The following DHX57 variants were observed in gnomAD, a reference collection of about 807,000 sequenced individuals.
The protein encoded by DHX57 is putative ATP-dependent RNA helicase DHX57.
Under a neutral mutation model 156.2 loss-of-function variants are expected in DHX57, and 105 were observed. That is an observed-to-expected ratio of 0.67 (90% CI 0.57 to 0.79). The LOEUF is 0.79. DHX57 is among the 30% of genes least tolerant of loss of function. The pLI is 0.00. For synonymous variants in DHX57, 704 were observed against 595.6 expected (o/e 1.18, Z -2.65); for missense variants, 1,847 against 1,661.9 (o/e 1.11, Z -1.94).
At chr2:38,817,253 T>C (rs1670592531) in intron 19 of DHX57, among the ~76,000 whole-genome samples, 1 of 152,132 alleles carries the variant, frequency 6.6e-6, no homozygotes, top group South Asian at 2.1e-4. Flanking sequence ...GAGTAAAACA[T>C]GCTTTGCAAA....
intron 19 of DHX57, among the ~76,000 whole-genome samples, chr2:38,816,436 G>C (rs781161462): frequency 5.3e-5 from 8 of 151,914 alleles, no homozygotes; most frequent in South Asian, 2.1e-4. Context: ...GGCTGCTCTC[G>C]AACTCCTGAT....
At chr2:38,832,754 T>C (rs996565305) in intron 13 of DHX57, among the ~76,000 whole-genome samples, 5 of 151,776 alleles carry the variant, frequency 3.3e-5, no homozygotes, top group African/African-American at 1.2e-4. Flanking sequence ...GCTAGGCTGG[T>C]CTCGAACTCC....
intron 13 of DHX57, among the ~76,000 whole-genome samples, chr2:38,835,255 A>C (rs762522441): frequency 2.0e-5 from 3 of 152,222 alleles, no homozygotes; most frequent in Non-Finnish European, 4.4e-5. Context: ...AGAAGTGAGT[A>C]CCAGGATTTA....
chr2:38,825,821 G>C (rs747589057), intron 16 of DHX57, 26 bp downstream of exon 16: 37 of 1,611,224 alleles, frequency 2.3e-5, no homozygotes, highest in Non-Finnish European at 2.7e-5. Flanking sequence ...CCTTTTGGAA[G>C]CAAAACACAA....
chr2:38,821,133 A>C (rs1045504175), intron 17 of DHX57, among the ~76,000 whole-genome samples: 1 of 152,182 alleles, frequency 6.6e-6, no homozygotes, highest in Non-Finnish European at 1.5e-5. Context: ...TCAAAGGGTC[A>C]CAGGAGAATA....
Position 38,802,746 on chromosome 2 carries a change from C to A in DHX57, c.3986G>T (p.Gly1329Val). ...RGEFVVSLDDGWIRFVAASHQ... is the reference protein window; with the variant it reads ...RGEFVVSLDDVWIRFVAASHQ... ...GGAAGCAGCTACAAAACGGATCCAA[C>A]CATCATCCAGGGAGACAACGAACTC... is the stretch of plus-strand genomic sequence containing the variant. The change falls in exon 23 of 24, where the codon GGT (glycine) becomes GTT (valine). Residue 1329 changes from glycine to valine, a missense_variant. By Grantham distance (109) the Gly-to-Val change is moderately radical. Coordinates refer to ENST00000457308, the MANE Select transcript of DHX57 (RefSeq NM_198963.3). 2 of 1,614,132 alleles carry A rather than the reference C, an allele frequency of 1.2e-6. No homozygotes were observed. The highest frequency in any genetic ancestry group is 1.7e-6 in the Non-Finnish European group (2 of 1,180,024).
At chr2:38,862,383 C>T (rs1308811951) in intron 3 of DHX57, 50 bp from the exon 4 acceptor site, 1 of 1,408,230 alleles carries the variant, frequency 7.1e-7, no homozygotes, top group South Asian at 1.9e-5. Context: ...CTACTTACTT[C>T]AAAGAAAAAT....
At chr2:38,801,680 C>T (rs757814818) in intron 23 of DHX57, among the ~76,000 whole-genome samples, 30 of 151,002 alleles carry the variant, frequency 2.0e-4, no homozygotes, top group Non-Finnish European at 3.0e-4. Context: ...CTGCAACCTC[C>T]GCCTCCTGGG....
chr2:38,798,630 GC>G (rs1261816175), intron 23 of DHX57, among the ~76,000 whole-genome samples, 188 bp from the exon 24 acceptor site: 1 of 152,150 alleles, frequency 6.6e-6, no homozygotes, highest in Non-Finnish European at 1.5e-5. Context: ...GTAAAAAAGT[GC>G]CTCTATCACA....
intron 19 of DHX57, among the ~76,000 whole-genome samples, chr2:38,816,396 G>A (rs1008689942): frequency 6.6e-6 from 1 of 151,712 alleles, no homozygotes; most frequent in African/African-American, 2.4e-5. Context: ...TGTATTTTTA[G>A]TAGAGACGGA....
chr2:38,864,361 T>C (rs1664939751), intron 2 of DHX57, among the ~76,000 whole-genome samples: 1 of 151,180 alleles, frequency 6.6e-6, no homozygotes, highest in South Asian at 2.1e-4. Flanking sequence ...GCCTGGGCAA[T>C]ATAGCAAGAT....
At chr2:38,835,732 C>T (rs990862470) in intron 13 of DHX57, among the ~76,000 whole-genome samples, 2 of 152,044 alleles carry the variant, frequency 1.3e-5, no homozygotes, top group Non-Finnish European at 2.9e-5. Flanking sequence ...TTGAAGATGC[C>T]ACGGTTGTTA....
intron 7 of DHX57, among the ~76,000 whole-genome samples, chr2:38,855,542 C>T (rs886392070): frequency 6.6e-5 from 10 of 152,086 alleles, no homozygotes; most frequent in Non-Finnish European, 1.3e-4. Context: ...AACGTAAACT[C>T]TACACATGAA....
At chr2:38,814,890 T>C (rs767105983) in intron 20 of DHX57, among the ~76,000 whole-genome samples, 5 of 151,612 alleles carry the variant, frequency 3.3e-5, no homozygotes, top group Non-Finnish European at 5.9e-5. Flanking sequence ...GCCTGGATAA[T>C]TGTGTATTTT....
intron 21 of DHX57, chr2:38,810,872 C>G: frequency 1.3e-6 from 1 of 748,220 alleles, no homozygotes; most frequent in Non-Finnish European, 2.4e-6. Flanking sequence ...CGGTTCTCCA[C>G]GATGTCAATA....
At chr2:38,808,708 T>A (rs1377994016) in intron 21 of DHX57, among the ~76,000 whole-genome samples, 2 of 152,116 alleles carry the variant, frequency 1.3e-5, no homozygotes, top group African/African-American at 2.4e-5. Flanking sequence ...AGAGTAAGAG[T>A]ACTCATTTTG....
chr2:38,803,946 G>A (rs541051572), intron 22 of DHX57, among the ~76,000 whole-genome samples: 4 of 151,644 alleles, frequency 2.6e-5, no homozygotes, highest in East Asian at 3.9e-4. Flanking sequence ...CACACCTGGC[G>A]AATTTTTGTA....
intron 19 of DHX57, 144 bp from the exon 20 acceptor site, chr2:38,815,799 A>G (rs1670518930): frequency 1.0e-6 from 1 of 1,000,082 alleles, no homozygotes; most frequent in Admixed American, 2.7e-5. Flanking sequence ...TATGAAGAGG[A>G]TCTTGTCTGG....
rs1430465147 is a variant in DHX57, at chr2:38,813,807, A to C, written c.3681+14T>G. 19 of 1,613,294 alleles carry C rather than the reference A, an allele frequency of 1.2e-5. No individual in the cohort carries two copies. The highest frequency in any genetic ancestry group is 1.6e-5 in the Non-Finnish European group (19 of 1,179,504). On this transcript the variant is annotated intron_variant, in intron 21 of 23. Transcript: ENST00000457308. Reference sequence around the variant, plus strand: ...AACAAAAAATGGAAAGATCTAGGAAAAATGTTTTGTTACCTGCACTACATT... The same window carrying C: ...AACAAAAAATGGAAAGATCTAGGAACAATGTTTTGTTACCTGCACTACATT...
Sources: allele counts gnomAD v4.1 joint callset (sites outside exome capture counted in the v4.1 genomes callset), GRCh38; gene constraint gnomAD v4.1.1; transcripts MANE v1.5; gene names NCBI Gene and HGNC (gene_info 2026-07-23, HGNC 2026-07-21).